The following PTPRD variants were observed in gnomAD, a reference collection of about 807,000 sequenced individuals.
The protein encoded by PTPRD is protein tyrosine phosphatase receptor type D, also known as receptor-type tyrosine-protein phosphatase delta.
PTPRD carries 34 observed loss-of-function variants against 214.5 expected under a neutral mutation model. The ratio of observed to expected loss-of-function variants is 0.16; its 90% confidence interval spans 0.12 to 0.21. PTPRD has a LOEUF of 0.21. Among genes scored for constraint, PTPRD ranks in the 10% least tolerant of loss-of-function variants. The probability of loss-of-function intolerance (pLI) is 1.00; values close to 1 mark genes in which losing one functional copy is unlikely to be tolerated. For synonymous variants in PTPRD, 1,128 were observed against 845.7 expected (o/e 1.33, Z -5.79); for missense variants, 2,545 against 2,398.7 (o/e 1.06, Z -1.27).
intron 11 of PTPRD, among the ~76,000 whole-genome samples, chr9:9,004,059 G>C (rs888705565): frequency 6.6e-6 from 1 of 151,942 alleles, no homozygotes; most frequent in Non-Finnish European, 1.5e-5. Flanking sequence ...TTCTCCTTTA[G>C]ATAAATCTTT....
intron 4 of PTPRD, among the ~76,000 whole-genome samples, chr9:9,939,863 C>G (rs531236716): frequency 6.6e-6 from 1 of 152,280 alleles, no homozygotes; most frequent in Admixed American, 6.5e-5. Context: ...GAGCAAATAT[C>G]ATTCTCTCCT....
chr9:8,380,159 G>A (rs1350907328), intron 37 of PTPRD, among the ~76,000 whole-genome samples: 1 of 152,100 alleles, frequency 6.6e-6, no homozygotes, highest in East Asian at 1.9e-4. Flanking sequence ...ATTAATTTCA[G>A]CAGATACTGA....
chr9:9,553,040 A>G (rs1042023036), intron 8 of PTPRD, among the ~76,000 whole-genome samples: 2 of 152,046 alleles, frequency 1.3e-5, no homozygotes, highest in Non-Finnish European at 2.9e-5. Flanking sequence ...GTGATAGTAT[A>G]ATAATTTATT....
At chr9:10,159,537 A>T (rs1267674206) in intron 3 of PTPRD, among the ~76,000 whole-genome samples, 3 of 152,146 alleles carry the variant, frequency 2.0e-5, no homozygotes. Context: ...TGACCTTCAC[A>T]AGACAGTAAT....
chr9:9,474,264 C>A (rs1334942156), intron 8 of PTPRD, among the ~76,000 whole-genome samples: 1 of 151,954 alleles, frequency 6.6e-6, no homozygotes, highest in South Asian at 2.1e-4. Context: ...CAGGTGGCTG[C>A]AATAGGTAAA....
chr9:8,576,746 C>A (rs1447389892), intron 14 of PTPRD, among the ~76,000 whole-genome samples: 1 of 151,986 alleles, frequency 6.6e-6, no homozygotes, highest in Admixed American at 6.6e-5. Context: ...AAATTATTCC[C>A]TACCACCAAA....
At chr9:8,991,478 T>C (rs1279787842) in intron 11 of PTPRD, among the ~76,000 whole-genome samples, 1 of 152,088 alleles carries the variant, frequency 6.6e-6, no homozygotes, top group Non-Finnish European at 1.5e-5. Flanking sequence ...CTCTAATCTA[T>C]TAATGTTTAT....
chr9:10,589,365 T>C lies in PTPRD; in HGVS notation c.-600+23033A>G, dbSNP rs527420272. On this transcript the variant is annotated intron_variant, in intron 2 of 45. Coordinates refer to ENST00000381196, the MANE Select transcript of PTPRD (RefSeq NM_002839.4). Reference sequence around the variant, plus strand: ...AGTCACAGGGAAAGAAAGGAAATTATCAGTGAAGTGTGGGACCAGTCACTC... The same window carrying C: ...AGTCACAGGGAAAGAAAGGAAATTACCAGTGAAGTGTGGGACCAGTCACTC... Among the ~76,000 whole-genome samples, 4 of 152,128 alleles carry C rather than the reference T, an allele frequency of 2.6e-5. No homozygotes were observed. In the South Asian group the frequency reaches 6.2e-4, roughly 24 times the overall value.
intron 12 of PTPRD, among the ~76,000 whole-genome samples, chr9:8,673,536 A>G (rs937310108): frequency 6.6e-6 from 1 of 152,210 alleles, no homozygotes; most frequent in Non-Finnish European, 1.5e-5. Flanking sequence ...AGCCTTCCAG[A>G]TAACAGACAG....
intron 7 of PTPRD, among the ~76,000 whole-genome samples, chr9:9,620,719 A>C (rs112215380): frequency 3.3e-5 from 5 of 152,296 alleles, no homozygotes; most frequent in African/African-American, 1.2e-4. Context: ...TCAGAAAAAA[A>C]AATCAACATA....
chr9:8,378,539 A>G (rs990985809), intron 37 of PTPRD, among the ~76,000 whole-genome samples: 5 of 152,134 alleles, frequency 3.3e-5, no homozygotes, highest in Non-Finnish European at 7.4e-5. Flanking sequence ...TCATATTGTA[A>G]TATTCAAGAA....
At chr9:9,097,290 G>T (rs1190330691) in intron 10 of PTPRD, among the ~76,000 whole-genome samples, 1 of 152,122 alleles carries the variant, frequency 6.6e-6, no homozygotes, top group Non-Finnish European at 1.5e-5. Context: ...AGGAGATTCT[G>T]GTTGGGGCCT....
chr9:9,443,041 A>G (rs996463898), intron 8 of PTPRD, among the ~76,000 whole-genome samples: 2 of 152,174 alleles, frequency 1.3e-5, no homozygotes, highest in Non-Finnish European at 2.9e-5. Flanking sequence ...TTAAACATAA[A>G]TCCCCAAAAT....
intron 12 of PTPRD, among the ~76,000 whole-genome samples, chr9:8,675,109 A>G (rs2097373769): frequency 6.6e-6 from 1 of 152,102 alleles, no homozygotes; most frequent in Admixed American, 6.6e-5. Context: ...TGGATGTCGC[A>G]TACACTTGGG....
chr9:8,888,886 A>G (rs980469064), intron 11 of PTPRD, among the ~76,000 whole-genome samples: 1 of 152,206 alleles, frequency 6.6e-6, no homozygotes, highest in Non-Finnish European at 1.5e-5. Context: ...GAAGGCCCAG[A>G]GCAGCTTATG....
intron 7 of PTPRD, among the ~76,000 whole-genome samples, chr9:9,726,945 CAATAACAAACAGAG>C (rs1321172612): frequency 6.6e-6 from 1 of 151,898 alleles, no homozygotes; most frequent in East Asian, 1.9e-4. Context: ...AAAGTATGTA[CAATAACAAACAGAG>C]AATAATAAGC....
At chr9:10,396,477 T>C (rs1377928261) in intron 2 of PTPRD, among the ~76,000 whole-genome samples, 2 of 152,106 alleles carry the variant, frequency 1.3e-5, no homozygotes, top group Admixed American at 6.6e-5. Flanking sequence ...TTATTCATCA[T>C]CCTTTCTTTT....
chr9:9,089,810 C>T (rs324465), intron 10 of PTPRD, among the ~76,000 whole-genome samples: 94,177 of 151,926 alleles, frequency 0.62, 29,935 homozygotes, highest in Non-Finnish European at 0.69. Flanking sequence ...TAAGGAAACA[C>T]CTATAATATG....
intron 9 of PTPRD, among the ~76,000 whole-genome samples, chr9:9,383,236 A>G (rs10977693): frequency 0.24 from 36,338 of 151,914 alleles, 4,427 homozygotes; most frequent in Middle Eastern, 0.38. Context: ...TATACTCCCT[A>G]AAGACAAGAA....
Sources: allele counts gnomAD v4.1 joint callset (sites outside exome capture counted in the v4.1 genomes callset), GRCh38; gene constraint gnomAD v4.1.1; transcripts MANE v1.5; gene names NCBI Gene and HGNC (gene_info 2026-07-23, HGNC 2026-07-21).